SPG11: variants seen among roughly 807,000 people sequenced by gnomAD.
The protein encoded by SPG11 is spatacsin.
A neutral mutation model predicts 274.0 loss-of-function variants in SPG11; 222 were observed. The observed-to-expected ratio is 0.81, with a 90% CI of 0.73 to 0.91. SPG11 has a LOEUF of 0.91. Among genes scored for constraint, SPG11 ranks in the 40% least tolerant of loss-of-function variants. The pLI is 0.00. For missense variants in SPG11, 3,114 were observed against 2,872.7 expected, an observed-to-expected ratio of 1.08 and a Z score of -1.92; for synonymous variants, 1,144 against 1,039.7, an observed-to-expected ratio of 1.10 and a Z score of -1.93.
At chr15:44,621,574 A>C in intron 14 of SPG11, 185 bp downstream of exon 14, 1 of 627,958 alleles carries the variant, frequency 1.6e-6, no homozygotes, top group African/African-American at 1.8e-5. Context: ...TTAGCACATT[A>C]TAAATCCCTC....
intron 7 of SPG11, among the ~76,000 whole-genome samples, chr15:44,638,864 T>C (rs1206701408): frequency 1.3e-5 from 2 of 151,784 alleles, no homozygotes; most frequent in South Asian, 2.1e-4. Flanking sequence ...GGCGTGGGGG[T>C]GCATGCCTGT....
intron 16 of SPG11, among the ~76,000 whole-genome samples, chr15:44,613,858 T>C (rs972046543): frequency 6.6e-6 from 1 of 152,206 alleles, no homozygotes; most frequent in Non-Finnish European, 1.5e-5. Flanking sequence ...CTTTTTAGCA[T>C]ATTCAAACTT....
intron 11 of SPG11, among the ~76,000 whole-genome samples, chr15:44,624,938 C>G (rs2083856108): frequency 6.6e-6 from 1 of 151,974 alleles, no homozygotes; most frequent in South Asian, 2.1e-4. Context: ...AGTTCGAGAC[C>G]AGCCTGACCA....
chr15:44,594,195 G>A (rs1356992521), intron 26 of SPG11, among the ~76,000 whole-genome samples: 2 of 151,732 alleles, frequency 1.3e-5, no homozygotes, highest in African/African-American at 2.4e-5. Context: ...GGGAGGCCGA[G>A]GTGGGAGGAT....
chr15:44,629,485 A>G (rs911710123), intron 8 of SPG11, 97 bp from the exon 9 acceptor site: 3 of 1,351,774 alleles, frequency 2.2e-6, no homozygotes, highest in African/African-American at 2.9e-5. Context: ...TTTTAAACAT[A>G]AAACAAGGAC....
chr15:44,631,631 A>G (rs1048181023), intron 8 of SPG11, among the ~76,000 whole-genome samples: 1 of 151,130 alleles, frequency 6.6e-6, no homozygotes, highest in African/African-American at 2.4e-5. Flanking sequence ...TACAAAAAAT[A>G]CTGATTATTT....
intron 26 of SPG11, among the ~76,000 whole-genome samples, chr15:44,593,136 G>A (rs2082945944): frequency 6.6e-6 from 1 of 151,904 alleles, no homozygotes; most frequent in African/African-American, 2.4e-5. Flanking sequence ...TCTATACTTG[G>A]CCTATTGCAC....
intron 8 of SPG11, among the ~76,000 whole-genome samples, chr15:44,630,785 G>A (rs985549265): frequency 2.0e-5 from 3 of 152,042 alleles, no homozygotes; most frequent in African/African-American, 7.3e-5. Context: ...TCACCACGTT[G>A]GTCAGGCTGA....
chr15:44,628,771 T>A lies in SPG11; in HGVS notation c.1965A>T (p.Ile655=), dbSNP rs146415287. 1.9e-5 allele frequency: 30 copies of A among 1,613,636 alleles called. No homozygotes were observed. The highest frequency in any genetic ancestry group is 3.3e-4 in the Middle Eastern group (2 of 6,078). The change falls in exon 10 of 40, where the codon ATA becomes ATT. Residue 655 remains isoleucine (I), a synonymous_variant. Coordinates refer to ENST00000261866, the MANE Select transcript of SPG11 (RefSeq NM_025137.4). ...CATCTGTTAGCTTCCAAGGAAACTTTATCATGAAGGTTCGAAGTTCATTAA... is the reference window on the plus strand; with the variant it reads ...CATCTGTTAGCTTCCAAGGAAACTTAATCATGAAGGTTCGAAGTTCATTAA... ...SYINELRTFM[I]KFPWKLTDAI...
chr15:44,620,306 C>T lies in SPG11; in HGVS notation c.2718G>A (p.Gln906=), dbSNP rs1411473635. Residue 906 remains glutamine (Q), a synonymous_variant, in exon 15 of 40, where the codon CAG becomes CAA. Coordinates refer to ENST00000261866, the MANE Select transcript of SPG11 (RefSeq NM_025137.4). ...TCTGCTGAAGTGAAGCATAACTATG[C>T]TGGGTTTGAAATTCTCCAATCCATA... ...IILWIGEFQT[Q]HSYASLQQNK... is the part of the protein sequence containing the mutation. 1 of 1,613,920 alleles carries T rather than the reference C, an allele frequency of 6.2e-7. No individual in the cohort carries two copies. The highest frequency in any genetic ancestry group is 1.1e-5 in the South Asian group (1 of 91,082).
Position 44,567,521 on chromosome 15 carries a change from A to G in SPG11, c.6657T>C (p.Asn2219=), listed in dbSNP as rs2140917127. Residue 2219 remains asparagine, a synonymous_variant, in exon 36 of 40, where the codon AAT becomes AAC. Coordinates refer to ENST00000261866, the MANE Select transcript of SPG11 (RefSeq NM_025137.4). ...ACATGCTGAAGCACAGGGCAATCAT[A>G]TTGTGCTTTTCACTGTCTCCAGGAC... is the stretch of plus-strand genomic sequence containing the variant. ...RCRPGDSEKH[N]MIALCFSMCR... The G allele has an allele frequency of 1.7e-5, 27 of 1,613,906 alleles. No homozygotes were observed. The highest frequency in any genetic ancestry group is 2.3e-5 in the Non-Finnish European group (27 of 1,179,962).
chr15:44,563,275 A>G lies in SPG11; in HGVS notation c.7178T>C (p.Met2393Thr). The change falls in exon 40 of 40, where the codon ATG becomes ACG. Residue 2393 changes from methionine (M) to threonine (T), a missense_variant. Met to Thr is a moderately conservative substitution (Grantham distance 81). Coordinates refer to ENST00000261866, the MANE Select transcript of SPG11 (RefSeq NM_025137.4). ...TAATTTCTTCAGGTTTTCCATGACC[A>G]TGTCAGTAGGCTGATGTTGTTTATA... The part of the protein sequence containing the change: ...KKYKQHQPTD[M>T]VMENLKKLLT... 3.1e-6 allele frequency: 5 copies of G among 1,613,810 alleles called. No individual in the cohort carries two copies. Among genetic ancestry groups the G allele is most frequent in the Non-Finnish European group, 4.2e-6 (5 of 1,179,722 alleles).
chr15:44,578,833 T>C (rs1194008501), intron 30 of SPG11, among the ~76,000 whole-genome samples: 5 of 152,236 alleles, frequency 3.3e-5, no homozygotes, highest in South Asian at 2.1e-4. Context: ...CAGTCTCAAA[T>C]AGTGTATTTT....
chr15:44,601,984 G>T (rs1330849773), intron 20 of SPG11, among the ~76,000 whole-genome samples: 1 of 152,192 alleles, frequency 6.6e-6, no homozygotes, highest in Non-Finnish European at 1.5e-5. Context: ...TTAAAAAATA[G>T]AAATGGGATA....
chr15:44,569,149 A>T (rs1314037810), intron 35 of SPG11, among the ~76,000 whole-genome samples: 1 of 150,198 alleles, frequency 6.7e-6, no homozygotes, highest in African/African-American at 2.5e-5. Context: ...CTGAGAAACG[A>T]GCGAAACTCC....
At chr15:44,639,276 T>TACAC (rs71111873) in intron 7 of SPG11, among the ~76,000 whole-genome samples, 1,972 of 138,342 alleles carry the variant, frequency 0.014, 25 homozygotes, top group East Asian at 0.033. Context: ...CACAAAGAGA[T>TACAC]ACACACACAC....
chr15:44,574,250 C>T (rs574375001), intron 31 of SPG11, among the ~76,000 whole-genome samples: 8 of 152,334 alleles, frequency 5.3e-5, no homozygotes, highest in Middle Eastern at 3.4e-3. Context: ...GTAATCCACC[C>T]GCCTCGGCCT....
In SPG11 at chr15:44,620,418, A is replaced by C. The variant is rs188590034; in HGVS notation, c.2621-15T>G. 2,094 of 1,566,190 alleles carry C rather than the reference A, an allele frequency of 1.3e-3. 13 individuals carry two copies. In the African/African-American group the frequency reaches 0.02, roughly 15 times the overall value. On this transcript the variant is annotated splice_polypyrimidine_tract_variant and intron_variant, in intron 14 of 39. Coordinates refer to ENST00000261866, the MANE Select transcript of SPG11 (RefSeq NM_025137.4). ...TGATTTGTATTCTACATGAAAAAAA[A>C]CACATTTTAAAATATAATTAATTAT...
At chr15:44,629,470 A>C in intron 8 of SPG11, 82 bp from the exon 9 acceptor site, 3 of 1,420,042 alleles carry the variant, frequency 2.1e-6, no homozygotes, top group Non-Finnish European at 1.9e-6. Context: ...ATCATGTTAC[A>C]ATATTTTTAA....
Sources: gnomAD v4.1 joint callset for allele counts (sites outside exome capture counted in the v4.1 genomes callset) on GRCh38, gnomAD v4.1.1 for gene constraint, MANE v1.5 for transcripts, NCBI Gene and HGNC (gene_info 2026-07-23, HGNC 2026-07-21) for gene names.